The following PJA2 variants were observed in gnomAD, a reference collection of about 807,000 sequenced individuals.
PJA2 encodes praja ring finger ubiquitin ligase 2.
A neutral mutation model predicts 69.3 loss-of-function variants in PJA2; 25 were observed. The ratio of observed to expected loss-of-function variants is 0.36; its 90% CI spans 0.26 to 0.50. PJA2 has a LOEUF of 0.50. Ranked by LOEUF, PJA2 falls within the 20% of genes least tolerant of loss-of-function variation. The pLI, the probability that PJA2 is intolerant of heterozygous loss-of-function variation, is 0.96. For missense variants in PJA2, 809 were observed against 830.2 expected, an observed-to-expected ratio of 0.97 and a Z score of 0.31; for synonymous variants, 308 against 277.8, an observed-to-expected ratio of 1.11 and a Z score of -1.08.
chr5:109,373,780 T>C (rs1762714868), intron 4 of PJA2, among the ~76,000 whole-genome samples: 2 of 152,210 alleles, frequency 1.3e-5, no homozygotes, highest in Admixed American at 1.3e-4. Context: ...AACTATAATT[T>C]ACTCAAATGT....
At chr5:109,405,115 G>A (rs927935782) in intron 1 of PJA2, among the ~76,000 whole-genome samples, 1 of 152,134 alleles carries the variant, frequency 6.6e-6, no homozygotes, top group Non-Finnish European at 1.5e-5. Context: ...AGGTCCATAT[G>A]CAAAAACCAA....
At chr5:109,408,705 C>G (rs1288502457) in intron 1 of PJA2, among the ~76,000 whole-genome samples, 1 of 152,214 alleles carries the variant, frequency 6.6e-6, no homozygotes, top group African/African-American at 2.4e-5. Flanking sequence ...AAGTGTACAT[C>G]AAACTTGCAT....
At chr5:109,381,797 T>A in intron 2 of PJA2, 94 bp from the exon 3 acceptor site, 1 of 1,003,242 alleles carries the variant, frequency 1.0e-6, no homozygotes, top group Non-Finnish European at 1.5e-6. Flanking sequence ...TATTTTATTA[T>A]TTATCAAATC....
At chr5:109,374,795 G>A (rs2127004441) in intron 4 of PJA2, among the ~76,000 whole-genome samples, 1 of 152,324 alleles carries the variant, frequency 6.6e-6, no homozygotes, top group South Asian at 2.1e-4. Context: ...ACAGTAGATG[G>A]CATGCCTCTC....
At chr5:109,379,318 A>G in intron 3 of PJA2, 64 bp from the exon 4 acceptor site, 1 of 1,149,790 alleles carries the variant, frequency 8.7e-7, no homozygotes, top group Non-Finnish European at 1.2e-6. Flanking sequence ...TTATGTAATA[A>G]CTATCACTTA....
At chr5:109,386,772 A>G (rs999096641) in intron 1 of PJA2, among the ~76,000 whole-genome samples, 2 of 152,160 alleles carry the variant, frequency 1.3e-5, no homozygotes, top group Non-Finnish European at 2.9e-5. Context: ...ACAGTTCAAG[A>G]CAAAATCATT....
intron 6 of PJA2, 152 bp from the exon 7 acceptor site, chr5:109,356,178 G>C (rs1762410069): frequency 1.7e-6 from 1 of 576,924 alleles, no homozygotes; most frequent in Non-Finnish European, 3.0e-6. Context: ...TGTAGGGTTA[G>C]GGGCAGGAGG....
intron 4 of PJA2, among the ~76,000 whole-genome samples, chr5:109,377,002 G>C (rs903741658): frequency 2.0e-5 from 3 of 152,032 alleles, no homozygotes; most frequent in Non-Finnish European, 4.4e-5. Flanking sequence ...TGTGGATACT[G>C]AATAAAACAC....
chr5:109,344,344 C>T (rs368243888), intron 8 of PJA2, 33 bp from the exon 9 acceptor site: 19 of 1,563,142 alleles, frequency 1.2e-5, no homozygotes, highest in Admixed American at 1.2e-4. Flanking sequence ...GTCAATCACA[C>T]GTAGTTCAAT....
chr5:109,376,588 A>G (rs969577887), intron 4 of PJA2, among the ~76,000 whole-genome samples: 5 of 152,074 alleles, frequency 3.3e-5, no homozygotes, highest in Non-Finnish European at 7.4e-5. Flanking sequence ...ACAAAGGTAT[A>G]GCCAAATTAA....
chr5:109,341,896 G>A (rs1162534145), intron 9 of PJA2, among the ~76,000 whole-genome samples: 27 of 104,822 alleles, frequency 2.6e-4, no homozygotes, highest in Non-Finnish European at 4.2e-4. Flanking sequence ...CCTCCGCCCG[G>A]CCAGCCGCCC....
chr5:109,375,536 A>T (rs1746843393), intron 4 of PJA2, among the ~76,000 whole-genome samples: 1 of 152,144 alleles, frequency 6.6e-6, no homozygotes, highest in Non-Finnish European at 1.5e-5. Context: ...ATAAAAAAAT[A>T]AAAATGCCAC....
intron 5 of PJA2, among the ~76,000 whole-genome samples, chr5:109,365,675 T>C (rs1273747306): frequency 6.6e-6 from 1 of 152,204 alleles, no homozygotes; most frequent in Non-Finnish European, 1.5e-5. Flanking sequence ...AGCAATTCAT[T>C]AAATATTTCC....
At chr5:109,372,027 G>A (rs886545195) in intron 4 of PJA2, among the ~76,000 whole-genome samples, 5 of 152,130 alleles carry the variant, frequency 3.3e-5, no homozygotes, top group African/African-American at 9.7e-5. Context: ...AACTGTTAGC[G>A]AGTCTTTTTT....
chr5:109,379,296 T>G (rs1437567275), intron 3 of PJA2, 42 bp from the exon 4 acceptor site: 20 of 1,376,964 alleles, frequency 1.5e-5, no homozygotes, highest in Non-Finnish European at 2.0e-5. Context: ...AAGGATTAAC[T>G]TAGATAAAAT....
intron 7 of PJA2, among the ~76,000 whole-genome samples, chr5:109,355,662 T>C (rs1762401462): frequency 6.6e-6 from 1 of 152,238 alleles, no homozygotes; most frequent in South Asian, 2.1e-4. Flanking sequence ...GAAAAAAGTA[T>C]ATTTTCTAAA....
rs938754705 is a variant in PJA2, at chr5:109,390,611, T to C, written c.-87-7091A>G. ...AATGTAGTCTGGTTTAAATCTACCA[T>C]CTTGCTATTATTTTCAATCATCTCA... is the stretch of plus-strand genomic sequence containing the variant. On this transcript the variant is annotated intron_variant, in intron 1 of 9. Transcript: ENST00000361189. 2.0e-5 allele frequency: 3 copies of C among 152,056 alleles called. No individual in the cohort carries two copies. The East Asian group carries it at 5.8e-4, about 29-fold the overall frequency. The allele number at this position is 152,056 out of a possible 1,614,324, so 9.4% of individuals were successfully genotyped here. A position where few individuals can be genotyped will look rare whatever the true frequency, so the allele number is the denominator to read the frequency against.
intron 9 of PJA2, among the ~76,000 whole-genome samples, chr5:109,342,401 A>G (rs1447047476): frequency 1.9e-5 from 2 of 105,604 alleles, no homozygotes; most frequent in Non-Finnish European, 3.8e-5. Context: ...CTGCCCGGCC[A>G]GCCGCCCGGT....
At chr5:109,386,067 G>A (rs1056841687) in intron 1 of PJA2, among the ~76,000 whole-genome samples, 1 of 151,686 alleles carries the variant, frequency 6.6e-6, no homozygotes, top group African/African-American at 2.4e-5. Context: ...TGTAATCCCA[G>A]CACTTTGGAA....
Sources: allele counts gnomAD v4.1 joint callset (sites outside exome capture counted in the v4.1 genomes callset), GRCh38; gene constraint gnomAD v4.1.1; transcripts MANE v1.5; gene names NCBI Gene and HGNC (gene_info 2026-07-23, HGNC 2026-07-21).